The following ZNF142 variants were observed in gnomAD, a reference collection of about 807,000 sequenced individuals.
The protein encoded by ZNF142 is zinc finger protein 142 (clone pHZ-49).
A neutral mutation model predicts 132.1 loss-of-function variants in ZNF142; 96 were observed. The observed-to-expected ratio is 0.73, with a 90% CI of 0.62 to 0.86. ZNF142 has a LOEUF of 0.86. Among genes scored for constraint, ZNF142 ranks in the 40% least tolerant of loss-of-function variants. The probability of loss-of-function intolerance (pLI) is 0.00; values close to 1 mark genes in which losing one functional copy is unlikely to be tolerated. For synonymous variants in ZNF142, 842 were observed against 890.1 expected (o/e 0.95, Z 0.96); for missense variants, 2,163 against 2,336.2 (o/e 0.93, Z 1.53).
chr2:218,643,359 G>T lies in ZNF142; in HGVS notation c.3757C>A (p.Arg1253Ser). ...GTCCCTCGTTTTCCTCCCCCGCCAC[G>T]TCCCCCCCTGCAGCCTTCAGCCACG... ...SHVAEGCRGG[R>S]GGGGKRGTPQ... The change falls in exon 9 of 11, where the codon CGT becomes AGT. Residue 1253 changes from arginine (R) to serine (S), a missense_variant. By Grantham distance (110) the Arg-to-Ser change is moderately radical. Around this residue, in one of 7 missense-constraint regions of ZNF142, gnomAD observed 809 missense variants for 801.7 expected, o/e 1.01. Coordinates refer to ENST00000411696, the MANE Select transcript of ZNF142 (RefSeq NM_001379659.1). 1.9e-6 allele frequency: 3 copies of T among 1,614,138 alleles called. No individual in the cohort carries two copies. The highest frequency in any genetic ancestry group is 1.3e-5 in the African/African-American group (1 of 75,028).
intron 5 of ZNF142, 47 bp from the exon 6 acceptor site, chr2:218,650,573 C>A: frequency 6.7e-7 from 1 of 1,492,356 alleles, no homozygotes; most frequent in Non-Finnish European, 8.9e-7. Context: ...CCAATAACAG[C>A]ACTAAATGCT....
At chr2:218,655,467 A>G (rs776829002) in intron 4 of ZNF142, among the ~76,000 whole-genome samples, 7 of 152,134 alleles carry the variant, frequency 4.6e-5, no homozygotes, top group Admixed American at 3.3e-4. Flanking sequence ...CTCAACTCCT[A>G]CTTTTTTGTT....
Position 218,649,252 on chromosome 2 carries a change from T to C in ZNF142, c.1256A>G (p.His419Arg). The C allele has an allele frequency of 1.2e-6, 2 of 1,614,222 alleles. No individual in the cohort carries two copies. Among genetic ancestry groups the C allele is most frequent in the Non-Finnish European group, 1.7e-6 (2 of 1,180,026 alleles). ...HLLRELGEKA[H>R]HCPLCHYSAV... The stretch of plus-strand genomic sequence containing the variant: ...ACTGTAGTGGCACAGTGGGCAGTGG[T>C]GGGCCTTTTCACCCAGCTCCCGCAG... Residue 419 changes from histidine (H) to arginine (R), a missense_variant, in exon 7 of 11, where the codon CAC becomes CGC. By Grantham distance (29) the His-to-Arg change is conservative. This residue lies in a region of ZNF142 where 749 missense variants were observed against 830.3 expected (regional missense o/e 0.90). Coordinates refer to ENST00000411696, the MANE Select transcript of ZNF142 (RefSeq NM_001379659.1).
At position 218,638,308 on chromosome 2, in the gene ZNF142, C is replaced by T. The variant is rs766395618; in HGVS notation, c.*31G>A. 6.7e-7 allele frequency: 1 copy of T among 1,486,484 alleles called. No individual in the cohort carries two copies. The highest frequency in any genetic ancestry group is 8.9e-7 in the Non-Finnish European group (1 of 1,117,660). The allele number at this position is 1,486,484 out of a possible 1,614,324, so 92.1% of individuals were successfully genotyped here. A position where few individuals can be genotyped will look rare whatever the true frequency, so the allele number is the denominator to read the frequency against. The stretch of plus-strand genomic sequence containing the variant: ...CCAGTCTGCACATCTCAGACCATAC[C>T]CTCTTCCTATACAGGAGGTGGGGCA... On this transcript the variant is annotated 3_prime_UTR_variant, in exon 11 of 11. Transcript: ENST00000411696.
chr2:218,648,862 T>C lies in ZNF142; in HGVS notation c.1646A>G (p.Asp549Gly). 1.2e-6 allele frequency: 2 copies of C among 1,614,200 alleles called. No homozygotes were observed. The highest frequency in any genetic ancestry group is 1.7e-6 in the Non-Finnish European group (2 of 1,180,032). Residue 549 changes from aspartate (D) to glycine (G), a missense_variant, in exon 7 of 11, where the codon GAT (aspartate) becomes GGT (glycine). Coordinates refer to ENST00000411696, the MANE Select transcript of ZNF142 (RefSeq NM_001379659.1). The stretch of plus-strand genomic sequence containing the variant: ...TAGGTGCTTATTGGAACAAGCAAAA[T>C]CACAGTGGGGGCAGTGGAAGGCGTA... ...SHYAFHCPHC[D>G]FACSNKHLFR...
In ZNF142 at chr2:218,643,190, C is replaced by T. The variant is rs1262100938; in HGVS notation, c.3926G>A (p.Cys1309Tyr). The change falls in exon 9 of 11, where the codon TGT (cysteine) becomes TAT (tyrosine). Residue 1309 changes from cysteine to tyrosine, a missense_variant. Transcript: ENST00000411696. ...CCGTTCCTGCTGGCAGCTAAAGGGA[C>T]ATGTAGGGCAGGAGAAGCGAGCCCC... Reference protein sequence around the residue: ...QKGARFSCPTCPFSCQQERAL... With the variant: ...QKGARFSCPTYPFSCQQERAL... 1 of 1,614,140 alleles carries T rather than the reference C, an allele frequency of 6.2e-7. No individual in the cohort carries two copies. Among genetic ancestry groups the T allele is most frequent in the Non-Finnish European group, 8.5e-7 (1 of 1,180,056 alleles).
intron 7 of ZNF142, among the ~76,000 whole-genome samples, chr2:218,646,926 G>A (rs932940455): frequency 2.6e-5 from 4 of 151,798 alleles, no homozygotes; most frequent in Non-Finnish European, 5.9e-5. Flanking sequence ...CTCTTGATTT[G>A]TTTTACAGCT....
intron 3 of ZNF142, 62 bp from the exon 4 acceptor site, chr2:218,656,525 G>A (rs1384371735): frequency 2.3e-6 from 3 of 1,308,078 alleles, no homozygotes; most frequent in Non-Finnish European, 3.0e-6. Context: ...TTCCTGGCTG[G>A]CGTGGGTACA....
rs375300685 is a variant in ZNF142 at position 218,642,092 on chromosome 2, G to A, written c.5024C>T (p.Thr1675Ile). Residue 1675 changes from threonine to isoleucine, a missense_variant, in exon 9 of 11, where the codon ACT becomes ATT. By Grantham distance (89) the Thr-to-Ile change is moderately conservative (BLOSUM62 -1). Coordinates refer to ENST00000411696, the MANE Select transcript of ZNF142 (RefSeq NM_001379659.1). This position sits in a 1 kb window ranked among gnomAD's most constrained non-coding sequence, Gnocchi z 4.6. ...GTGACAGTGGTAAGGCTTTTCCCCA[G>A]TGTGGATGCGGCTGTGCCAGGTGAT... ...QKITWHSRIH[T>I]GEKPYHCHLC... The A allele has an allele frequency of 6.2e-7, 1 of 1,614,230 alleles. No homozygotes were observed. Among genetic ancestry groups the A allele is most frequent in the South Asian group, 1.1e-5 (1 of 91,088 alleles).
intron 4 of ZNF142, among the ~76,000 whole-genome samples, chr2:218,654,025 T>G (rs1938255752): frequency 1.3e-5 from 2 of 152,094 alleles, no homozygotes; most frequent in African/African-American, 4.8e-5. Flanking sequence ...ATTTTAAATT[T>G]TTTTGTAGAG....
At chr2:218,641,524 G>A (rs576458573) in intron 9 of ZNF142, among the ~76,000 whole-genome samples, 5 of 151,972 alleles carry the variant, frequency 3.3e-5, no homozygotes, top group South Asian at 2.1e-4. Context: ...GATTACAGGC[G>A]TGAGCCACCG....
chr2:218,633,617 A>C lies in ZNF142; in HGVS notation c.*4722T>G. On this transcript the variant is annotated 3_prime_UTR_variant, in exon 11 of 11. Transcript: ENST00000411696. Reference sequence around the variant, plus strand: ...CCACCTTCTCCAGAAATCCAAGCCCATCTTGTGTCCAGCCCTCTCTTCCCT... The same window carrying C: ...CCACCTTCTCCAGAAATCCAAGCCCCTCTTGTGTCCAGCCCTCTCTTCCCT... The C allele has an allele frequency of 6.2e-7, 1 of 1,613,574 alleles. No homozygotes were observed. The highest frequency in any genetic ancestry group is 8.5e-7 in the Non-Finnish European group (1 of 1,179,544).
Position 218,633,397 on chromosome 2 carries a change from C to T in ZNF142, c.*4942G>A, listed in dbSNP as rs1170865289. 2.0e-5 allele frequency: 14 copies of T among 713,682 alleles called. No individual in the cohort carries two copies. The highest frequency in any genetic ancestry group is 5.9e-5 in the South Asian group (4 of 67,770). The allele number at this position is 713,682 out of a possible 1,614,324, so 44.2% of individuals were successfully genotyped here. A position where few individuals can be genotyped will look rare whatever the true frequency, so the allele number is the denominator to read the frequency against. On this transcript the variant is annotated 3_prime_UTR_variant, in exon 11 of 11. Transcript: ENST00000411696. ...ATTCCCACCCCCAGGTTGTGACGTG[C>T]CCGCTGTTTTGTCCGTCTATCTGTT...
Position 218,636,831 on chromosome 2 carries a change from C to T in ZNF142, c.*1508G>A, listed in dbSNP as rs770538349. ...GCCCTTTTCCTTTGTGTACTCTATACTGGAGTTCCCTTCTTCCTCTTGCTG... is the reference window on the plus strand; with the variant it reads ...GCCCTTTTCCTTTGTGTACTCTATATTGGAGTTCCCTTCTTCCTCTTGCTG... On this transcript the variant is annotated 3_prime_UTR_variant, in exon 11 of 11. Coordinates refer to ENST00000411696, the MANE Select transcript of ZNF142 (RefSeq NM_001379659.1). The T allele has an allele frequency of 2.7e-5, 15 of 561,120 alleles. No individual in the cohort carries two copies. The highest frequency in any genetic ancestry group is 1.8e-4 in the South Asian group (12 of 65,464). The allele number at this position is 561,120 out of a possible 1,614,324, so 34.8% of individuals were successfully genotyped here. A position where few individuals can be genotyped will look rare whatever the true frequency, so the allele number is the denominator to read the frequency against.
intron 9 of ZNF142, 30 bp from the exon 10 acceptor site, chr2:218,640,799 A>C: frequency 6.4e-7 from 1 of 1,565,266 alleles, no homozygotes; most frequent in South Asian, 1.1e-5. Flanking sequence ...AAAGCAGAAA[A>C]TATAGTAAGT....
rs1367736925 is a variant in ZNF142 at position 218,638,278 on chromosome 2, T to G, written c.*61A>C. 1 of 1,429,112 alleles carries G rather than the reference T, an allele frequency of 7.0e-7. No homozygotes were observed. The highest frequency in any genetic ancestry group is 2.5e-5 in the East Asian group (1 of 39,924). 88.5% of individuals were successfully genotyped at this position (1,429,112 alleles called of 1,614,324 possible). A position where few individuals can be genotyped will look rare whatever the true frequency, so the allele number is the denominator to read the frequency against. On this transcript the variant is annotated 3_prime_UTR_variant, in exon 11 of 11. Coordinates refer to ENST00000411696, the MANE Select transcript of ZNF142 (RefSeq NM_001379659.1). Reference sequence around the variant, plus strand: ...GGCTCTGAGCTCCTCAGGCTAGCGCTGGTCCCAGTCTGCACATCTCAGACC... The same window carrying G: ...GGCTCTGAGCTCCTCAGGCTAGCGCGGGTCCCAGTCTGCACATCTCAGACC...
rs1255814338 is a variant in ZNF142 at position 218,659,254 on chromosome 2, T to C, written c.-362+115A>G. On this transcript the variant is annotated intron_variant, in intron 1 of 10. Transcript: ENST00000411696. This position sits in a 1 kb window ranked among gnomAD's most constrained non-coding sequence, Gnocchi z 4.4. Reference sequence around the variant, plus strand: ...TCTGGGTGCTCCCTTCAGTACCTCCTTCCGAGAGTTCCCAGCGCCCAGGCC... The same window carrying C: ...TCTGGGTGCTCCCTTCAGTACCTCCCTCCGAGAGTTCCCAGCGCCCAGGCC... 2 of 152,386 alleles carry C rather than the reference T, an allele frequency of 1.3e-5. No individual in the cohort carries two copies. Among genetic ancestry groups the C allele is most frequent in the African/African-American group, 4.8e-5 (2 of 41,432 alleles). 9.4% of individuals were successfully genotyped at this position (152,386 alleles called of 1,614,324 possible). A position where few individuals can be genotyped will look rare whatever the true frequency, so the allele number is the denominator to read the frequency against.
Position 218,659,219 on chromosome 2 carries a change from G to GC in ZNF142, c.-361-90dup, listed in dbSNP as rs1445748521. On this transcript the variant is annotated intron_variant, in intron 1 of 10. Coordinates refer to ENST00000411696, the MANE Select transcript of ZNF142 (RefSeq NM_001379659.1). The surrounding 1 kb of genome is among the most constrained non-coding windows in gnomAD (Gnocchi z 4.4). The stretch of plus-strand genomic sequence containing the variant: ...ACCGTGACGCGACTGCAGCGCCGGG[G>GC]CCCAGCTCGTCTGGGTGCTCCCTTC... The GC allele has an allele frequency of 2.6e-5, 4 of 152,428 alleles. No homozygotes were observed. Among genetic ancestry groups the GC allele is most frequent in the African/African-American group, 9.6e-5 (4 of 41,458 alleles). The allele number at this position is 152,428 out of a possible 1,614,324, so 9.4% of individuals were successfully genotyped here. A position where few individuals can be genotyped will look rare whatever the true frequency, so the allele number is the denominator to read the frequency against.
At chr2:218,647,146 G>A (rs1051579575) in intron 7 of ZNF142, among the ~76,000 whole-genome samples, 22 of 151,912 alleles carry the variant, frequency 1.4e-4, no homozygotes, top group African/African-American at 3.4e-4. Context: ...CCTCTCGGCC[G>A]GGCATGGTGG....
Sources: allele counts gnomAD v4.1 joint callset (sites outside exome capture counted in the v4.1 genomes callset), GRCh38; gene constraint gnomAD v4.1.1; regional missense constraint gnomAD v4.1.1; non-coding constraint Gnocchi (gnomAD v3.1); transcripts MANE v1.5; gene names NCBI Gene and HGNC (gene_info 2026-07-23, HGNC 2026-07-21).